Variants in PDE3B observed in about 807,000 individuals in gnomAD.
The protein encoded by PDE3B is cGMP-inhibited 3',5'-cyclic phosphodiesterase 3B.
Under a neutral mutation model 116.8 loss-of-function variants are expected in PDE3B, and 66 were observed. The ratio of observed to expected loss-of-function variants is 0.56; its 90% CI spans 0.46 to 0.69. The LOEUF (loss-of-function observed/expected upper bound fraction) is 0.69, where lower values mean the gene tolerates loss of function less well. PDE3B is among the 30% of genes least tolerant of loss of function. The pLI is 0.00. For synonymous variants in PDE3B, 595 were observed against 533.6 expected (o/e 1.12, Z -1.59); for missense variants, 1,384 against 1,368.1 (o/e 1.01, Z -0.18).
At chr11:14,788,741 G>A (rs1858290567) in intron 3 of PDE3B, among the ~76,000 whole-genome samples, 1 of 151,736 alleles carries the variant, frequency 6.6e-6, no homozygotes, top group Admixed American at 6.6e-5. Flanking sequence ...TAGAATATAG[G>A]GCTGATCATC....
chr11:14,762,835 A>G (rs1032917664), intron 1 of PDE3B, among the ~76,000 whole-genome samples: 4 of 152,212 alleles, frequency 2.6e-5, no homozygotes, highest in African/African-American at 4.8e-5. Context: ...GAGGGGAGTT[A>G]TATTTTTGGC....
At chr11:14,782,104 A>T (rs915813863) in intron 2 of PDE3B, among the ~76,000 whole-genome samples, 5 of 152,194 alleles carry the variant, frequency 3.3e-5, no homozygotes, top group African/African-American at 1.2e-4. Flanking sequence ...CTTGTGAGGG[A>T]TGTGAAGGAC....
chr11:14,848,365 A>G (rs1296142936), intron 12 of PDE3B, among the ~76,000 whole-genome samples: 6 of 144,964 alleles, frequency 4.1e-5, no homozygotes, highest in Admixed American at 2.1e-4. Context: ...ATCTATGACA[A>G]ACCCACAGCC....
In PDE3B at chr11:14,830,787, T is replaced by C. The variant is rs565212020; in HGVS notation, c.1897T>C (p.Leu633=). The part of the protein sequence containing the change: ...EETEKKDSRK[L]FQEGDKWLTE... ...AACAGAGAAGAAAGACAGCAGAAAA[T>C]TATTTCAGGAAGGTGATAAGTGGCT... Residue 633 remains leucine, a synonymous_variant, in exon 8 of 16, where the codon TTA becomes CTA. Transcript: ENST00000282096. The C allele has an allele frequency of 3.1e-5, 47 of 1,540,608 alleles. 2 individuals carry two copies. In the South Asian group the frequency reaches 5.6e-4, roughly 18 times the overall value.
intron 1 of PDE3B, among the ~76,000 whole-genome samples, chr11:14,710,113 A>C (rs1236680207): frequency 6.6e-6 from 1 of 152,170 alleles, no homozygotes; most frequent in Admixed American, 6.5e-5. Context: ...GAGTTAGTCC[A>C]AGTTTTGGAT....
rs1206537713 is a variant in PDE3B, at chr11:14,647,078, C to CT, written c.978+2026dup. Among the ~76,000 whole-genome samples, 5 of 151,988 alleles carry CT rather than the reference C, an allele frequency of 3.3e-5. No individual in the cohort carries two copies. In the East Asian group the frequency reaches 5.8e-4, roughly 18 times the overall value. ...GTTTATTTATGCTTGTTCCAGAAGT[C>CT]TAACAGTGGATTTGTGCTTTTTGTT... On this transcript the variant is annotated intron_variant, in intron 1 of 15. Coordinates refer to ENST00000282096, the MANE Select transcript of PDE3B (RefSeq NM_000922.4).
At chr11:14,774,538 C>T (rs1314879894) in intron 2 of PDE3B, 1 of 152,132 alleles carries the variant, frequency 6.6e-6, no homozygotes, top group Non-Finnish European at 1.5e-5. Context: ...TTTTGCCGTC[C>T]CCAGTGCTTC....
chr11:14,872,679 G>A (rs1278219437), downstream of PDE3B, among the ~76,000 whole-genome samples: 2 of 152,136 alleles, frequency 1.3e-5, no homozygotes, highest in African/African-American at 2.4e-5. Flanking sequence ...TTATATGTGG[G>A]GGATTGGTTC....
chr11:14,849,067 C>T (rs575300961), intron 12 of PDE3B, among the ~76,000 whole-genome samples: 34 of 150,182 alleles, frequency 2.3e-4, no homozygotes, highest in African/African-American at 7.3e-4. Context: ...GGAGGCATCA[C>T]GCTACCTGAC....
intron 1 of PDE3B, among the ~76,000 whole-genome samples, chr11:14,647,898 A>G (rs961836167): frequency 2.4e-4 from 37 of 151,024 alleles, no homozygotes. Context: ...TAAATGCTAT[A>G]TATGTATCAG....
intron 1 of PDE3B, among the ~76,000 whole-genome samples, chr11:14,764,877 C>G (rs1330863873): frequency 1.3e-5 from 2 of 150,774 alleles, no homozygotes; most frequent in African/African-American, 4.9e-5. Flanking sequence ...TCCCCCCACA[C>G]TTTTTTTTTC....
intron 1 of PDE3B, among the ~76,000 whole-genome samples, chr11:14,736,998 C>T (rs981016978): frequency 2.6e-5 from 4 of 152,126 alleles, no homozygotes; most frequent in African/African-American, 9.7e-5. Context: ...AGCTGTGCAA[C>T]ATTGAGTAAT....
Position 14,869,596 on chromosome 11 carries a change from A to C in PDE3B, c.3275A>C (p.Glu1092Ala), listed in dbSNP as rs546438344. The C allele has an allele frequency of 1.2e-6, 2 of 1,614,032 alleles. No individual in the cohort carries two copies. Among genetic ancestry groups the C allele is most frequent in the East Asian group, 2.2e-5 (1 of 44,868 alleles). ...CKADGNKLQV[E>A]NSSLPQADEI... ...GCTGATGGGAATAAACTGCAGGTGG[A>C]GAATTCCTCCTTACCTCAAGCAGAT... The change falls in exon 16 of 16, where the codon GAG (glutamate) becomes GCG (alanine). Residue 1092 changes from glutamate (E) to alanine (A), a missense_variant. By Grantham distance (107) the Glu-to-Ala change is moderately radical (BLOSUM62 -1). Transcript: ENST00000282096.
At chr11:14,788,089 A>G (rs909638340) in intron 3 of PDE3B, among the ~76,000 whole-genome samples, 13 of 152,040 alleles carry the variant, frequency 8.6e-5, no homozygotes, top group African/African-American at 3.1e-4. Context: ...CTACTGATAG[A>G]GTAAGTCATA....
intron 7 of PDE3B, 85 bp downstream of exon 7, chr11:14,819,294 C>G: frequency 1.3e-6 from 1 of 778,998 alleles, no homozygotes; most frequent in Non-Finnish European, 2.2e-6. Flanking sequence ...ATGAGTTTAA[C>G]TTCAGTTTAT....
At chr11:14,716,382 A>C (rs1308016412) in intron 1 of PDE3B, among the ~76,000 whole-genome samples, 1 of 151,768 alleles carries the variant, frequency 6.6e-6, no homozygotes, top group Non-Finnish European at 1.5e-5. Flanking sequence ...TAGGTAAACA[A>C]AGCAGCCAGG....
At chr11:14,848,594 T>G (rs1296499633) in intron 12 of PDE3B, among the ~76,000 whole-genome samples, 1 of 152,084 alleles carries the variant, frequency 6.6e-6, no homozygotes, top group East Asian at 1.9e-4. Context: ...AAAACCCCAT[T>G]GTCTCAGCCC....
At chr11:14,766,164 C>T (rs1857489254) in intron 1 of PDE3B, among the ~76,000 whole-genome samples, 1 of 151,492 alleles carries the variant, frequency 6.6e-6, no homozygotes, top group Non-Finnish European at 1.5e-5. Flanking sequence ...TGTATATTTA[C>T]AATATTAAAG....
intron 1 of PDE3B, among the ~76,000 whole-genome samples, chr11:14,751,330 G>A (rs1195496038): frequency 2.0e-5 from 3 of 152,146 alleles, no homozygotes; most frequent in Non-Finnish European, 2.9e-5. Context: ...TATCATTACT[G>A]TAATTCATTC....
Sources: allele counts gnomAD v4.1 joint callset (sites outside exome capture counted in the v4.1 genomes callset), GRCh38; gene constraint gnomAD v4.1.1; transcripts MANE v1.5; gene names NCBI Gene and HGNC (gene_info 2026-07-23, HGNC 2026-07-21).